PIKFYVE: variants seen among roughly 807,000 people sequenced by gnomAD.
PIKFYVE encodes phosphoinositide kinase, FYVE-type zinc finger containing.
A neutral mutation model predicts 257.9 loss-of-function variants in PIKFYVE; 122 were observed. The observed-to-expected ratio is 0.47, with a 90% CI of 0.41 to 0.55. The LOEUF (loss-of-function observed/expected upper bound fraction) is 0.55. Among genes scored for constraint, PIKFYVE ranks in the 20% least tolerant of loss-of-function variants. PIKFYVE has a pLI of 0.00. For missense variants in PIKFYVE, 2,160 were observed against 2,536.6 expected, an observed-to-expected ratio of 0.85 and a Z score of 3.19; for synonymous variants, 892 against 868.9, an observed-to-expected ratio of 1.03 and a Z score of -0.47.
chr2:208,269,726 A>C, intron 1 of PIKFYVE: 1 of 249,556 alleles, frequency 4.0e-6, no homozygotes, highest in Non-Finnish European at 8.5e-6. Flanking sequence ...TCCCCCACTC[A>C]GTTAAACAGC....
chr2:208,342,432 CT>C, intron 31 of PIKFYVE, 121 bp from the exon 32 acceptor site: 1 of 734,690 alleles, frequency 1.4e-6, no homozygotes, highest in South Asian at 1.7e-5. Context: ...AAAACTTTCT[CT>C]TGAAATCTTT....
intron 11 of PIKFYVE, among the ~76,000 whole-genome samples, chr2:208,304,547 TAACTG>T (rs1389010327): frequency 1.3e-5 from 2 of 152,204 alleles, no homozygotes; most frequent in Non-Finnish European, 2.9e-5. Context: ...AGCTTAAAAA[TAACTG>T]AACTAATAAT....
chr2:208,346,029 T>G (rs2125768196), intron 33 of PIKFYVE, 21 bp from the exon 34 acceptor site: 1 of 1,588,298 alleles, frequency 6.3e-7, no homozygotes, highest in East Asian at 2.2e-5. Context: ...AAATTTTTCT[T>G]TTTTTTTCTT....
chr2:208,304,320 TG>T lies in PIKFYVE; in HGVS notation c.1468+3del, dbSNP rs775697149. 6.2e-7 allele frequency: 1 copy of T among 1,613,694 alleles called. No homozygotes were observed. The highest frequency in any genetic ancestry group is 1.3e-5 in the African/African-American group (1 of 74,922). The stretch of plus-strand genomic sequence containing the variant: ...AAGAAGGTGACGATAATTTGGCTAG[TG>T]AGTTTAACTTTCTAACATTTTAGTT... On this transcript the variant is annotated splice_donor_region_variant and intron_variant, in intron 11 of 41. Transcript: ENST00000264380.
chr2:208,351,409 T>C lies in PIKFYVE; in HGVS notation c.5669T>C (p.Phe1890Ser), dbSNP rs780205047. The change falls in exon 38 of 42, where the codon TTT (phenylalanine) becomes TCT (serine). Residue 1890 changes from phenylalanine to serine, a missense_variant. Phe to Ser is a radical substitution (Grantham distance 155). Around this residue, in one of 12 missense-constraint regions of PIKFYVE, gnomAD observed 699 missense variants for 855.8 expected, o/e 0.82. Transcript: ENST00000264380. ...PRLEVQSFLDFAPHYFNYITN... is the reference protein window; with the variant it reads ...PRLEVQSFLDSAPHYFNYITN... ...CTGGAAGTCCAGTCCTTCCTCGACT[T>C]TGCACCACATTACTTCAATTATATT... 6.2e-7 allele frequency: 1 copy of C among 1,613,712 alleles called. No individual in the cohort carries two copies.
intron 20 of PIKFYVE, among the ~76,000 whole-genome samples, chr2:208,327,191 T>C (rs771240934): frequency 3.1e-4 from 47 of 152,222 alleles, no homozygotes; most frequent in Non-Finnish European, 6.3e-4. Context: ...CCATGGTTAA[T>C]GATGGCATGG....
At chr2:208,267,053 C>T (rs1688731923) in intron 1 of PIKFYVE, among the ~76,000 whole-genome samples, 1 of 152,140 alleles carries the variant, frequency 6.6e-6, no homozygotes, top group African/African-American at 2.4e-5. Context: ...GAGGTTATTC[C>T]TAAGACAGTC....
Position 208,350,026 on chromosome 2 carries a change from G to T in PIKFYVE, c.5377G>T (p.Glu1793Ter), listed in dbSNP as rs1413109919. The part of the protein sequence containing the change: ...TENQGVEPQD[E>*]VDGGDTQKKQ... ...ACTAATGATATTAAACCTTTTAGAT[G>T]AAGTAGATGGAGGAGATACACAAAA... is the stretch of plus-strand genomic sequence containing the variant. The change falls in exon 36 of 42, where the codon GAA (glutamate) becomes TAA (stop). Residue 1793 changes from glutamate (E) to a stop codon, truncating the protein, a stop_gained and splice_region_variant. Transcript: ENST00000264380. LOFTEE classifies it high-confidence loss of function. 1 of 1,611,622 alleles carries T rather than the reference G, an allele frequency of 6.2e-7. No homozygotes were observed. The highest frequency in any genetic ancestry group is 2.2e-5 in the East Asian group (1 of 44,690).
At chr2:208,339,284 G>A (rs1312066325) in intron 29 of PIKFYVE, 134 bp from the exon 30 acceptor site, 2 of 955,690 alleles carry the variant, frequency 2.1e-6, no homozygotes, top group Admixed American at 3.9e-5. Context: ...TGAGCTATAT[G>A]ACCTAGATGA....
upstream of PIKFYVE, chr2:208,266,069 C>T (rs977974046): frequency 1.3e-5 from 2 of 152,692 alleles, no homozygotes; most frequent in African/African-American, 4.8e-5. Flanking sequence ...GTCCCCCTGG[C>T]TTCTTCCAGG....
chr2:208,274,040 C>G (rs763744151), intron 3 of PIKFYVE: 102 of 1,612,006 alleles, frequency 6.3e-5, no homozygotes, highest in Non-Finnish European at 8.5e-5. Flanking sequence ...TGCAACATCC[C>G]CAGGAGAACA....
chr2:208,351,865 AC>A (rs879774389), intron 38 of PIKFYVE, among the ~76,000 whole-genome samples: 1 of 151,984 alleles, frequency 6.6e-6, no homozygotes, highest in Admixed American at 6.6e-5. Context: ...TGACCCAAAT[AC>A]CTCTCACCAG....
Position 208,326,153 on chromosome 2 carries a change from G to A in PIKFYVE, c.3342G>A (p.Gln1114=). The A allele has an allele frequency of 1.2e-6, 2 of 1,613,998 alleles. No individual in the cohort carries two copies. Among genetic ancestry groups the A allele is most frequent in the Non-Finnish European group, 8.5e-7 (1 of 1,179,966 alleles). ...KQLLRDLSGL[Q]GMNGSIQAKS... ...TGCTCAGGGATCTCTCTGGACTTCA[G>A]GGCATGAATGGAAGTATTCAGGCCA... The change falls in exon 20 of 42, where the codon CAG becomes CAA. Residue 1114 remains glutamine (Q), a synonymous_variant. Transcript: ENST00000264380.
rs1559144967 is a variant in PIKFYVE at position 208,333,370 on chromosome 2, AC to A, written c.4021del (p.Glu1342AsnfsTer64). On this transcript the variant is annotated frameshift_variant, in exon 24 of 42. Coordinates refer to ENST00000264380, the MANE Select transcript of PIKFYVE (RefSeq NM_015040.4). LOFTEE classifies it high-confidence loss of function. ...TCCTGGTCTATGTCATTTGCAAAAT[AC>A]CTTGAACTTAGGTTTTATGGGCACC... ...NESWSMSFAKYLELRFYGHQY... is the reference protein window; with the variant it reads ...NESWSMSFAKXLELRFYGHQY... 6.2e-7 allele frequency: 1 copy of A among 1,614,136 alleles called. No individual in the cohort carries two copies. Among genetic ancestry groups the A allele is most frequent in the African/African-American group, 1.3e-5 (1 of 75,022 alleles).
intron 17 of PIKFYVE, among the ~76,000 whole-genome samples, chr2:208,322,231 A>T (rs1464981329): frequency 6.6e-6 from 1 of 151,892 alleles, no homozygotes; most frequent in Non-Finnish European, 1.5e-5. Context: ...AATAGAAAAA[A>T]TTAGGCAGGC....
In PIKFYVE at chr2:208,277,014, G is replaced by A. The variant is rs575221265; in HGVS notation, c.441+184G>A. On this transcript the variant is annotated intron_variant, in intron 4 of 41. Coordinates refer to ENST00000264380, the MANE Select transcript of PIKFYVE (RefSeq NM_015040.4). Reference sequence around the variant, plus strand: ...AGTCTAATTTATCAGTTTTTTTCCCGTTATCCTTAGTGCTTTTCGCGTTCT... The same window carrying A: ...AGTCTAATTTATCAGTTTTTTTCCCATTATCCTTAGTGCTTTTCGCGTTCT... Among the ~76,000 whole-genome samples the A allele has an allele frequency of 7.2e-5, 11 of 152,088 alleles. No homozygotes were observed. In the South Asian group the frequency reaches 8.3e-4, roughly 11 times the overall value.
intron 17 of PIKFYVE, 128 bp downstream of exon 17, chr2:208,320,487 A>G: frequency 9.3e-7 from 1 of 1,076,886 alleles, no homozygotes; most frequent in Non-Finnish European, 1.4e-6. Flanking sequence ...TAGCTTACCA[A>G]AACCTCTGTC....
At chr2:208,332,364 T>C (rs949211936) in intron 23 of PIKFYVE, among the ~76,000 whole-genome samples, 11 of 152,214 alleles carry the variant, frequency 7.2e-5, no homozygotes, top group African/African-American at 2.7e-4. Context: ...TGTTGGAGAC[T>C]GTATACACTG....
Position 208,347,852 on chromosome 2 carries a change from TTTTTAGCCAAAAAG to T in PIKFYVE, c.5210-6_5217del. On this transcript the variant is annotated splice_acceptor_variant and splice_polypyrimidine_tract_variant and coding_sequence_variant and intron_variant, in exon 35 of 42. Transcript: ENST00000264380. LOFTEE classifies it high-confidence loss of function. ...CTTAAAATTAATATGTTACTTCTTA[TTTTTAGCCAAAAAG>T]GCTTCTGGAATGTTGTCCTTCTTCA... 2 of 1,608,868 alleles carry T rather than the reference TTTTTAGCCAAAAAG, an allele frequency of 1.2e-6. No individual in the cohort carries two copies. Among genetic ancestry groups the T allele is most frequent in the Non-Finnish European group, 1.7e-6 (2 of 1,177,036 alleles).
Sources: allele counts gnomAD v4.1 joint callset (sites outside exome capture counted in the v4.1 genomes callset), GRCh38; gene constraint gnomAD v4.1.1; regional missense constraint gnomAD v4.1.1; transcripts MANE v1.5; gene names NCBI Gene and HGNC (gene_info 2026-07-23, HGNC 2026-07-21).